Variants in ELP1 observed in about 807,000 individuals in gnomAD.
The protein encoded by ELP1 is elongator acetyltransferase complex subunit 1.
Under a neutral mutation model 183.2 loss-of-function variants are expected in ELP1, and 131 were observed. The observed-to-expected ratio is 0.72, with a 90% CI of 0.62 to 0.83. ELP1 has a LOEUF of 0.83. Among genes scored for constraint, ELP1 ranks in the 40% least tolerant of loss-of-function variants. ELP1 has a pLI of 0.00. For missense variants in ELP1, 1,550 were observed against 1,594.9 expected, an observed-to-expected ratio of 0.97 and a Z score of 0.48; for synonymous variants, 555 against 569.0, an observed-to-expected ratio of 0.98 and a Z score of 0.35.
Position 108,878,662 on chromosome 9 carries a change from C to G in ELP1, c.3661G>C (p.Ala1221Pro). Residue 1221 changes from alanine (A) to proline (P), a missense_variant, in exon 34 of 37, where the codon GCA becomes CCA. Transcript: ENST00000374647. ...GTGTTCTGCACCACTTCACTCAGTGCCTCCAGGAGGGCCAGGTCCTCCAGC... is the reference window on the plus strand; with the variant it reads ...GTGTTCTGCACCACTTCACTCAGTGGCTCCAGGAGGGCCAGGTCCTCCAGC... ...SPLEDLALLE[A>P]LSEVVQNTEN... The G allele has an allele frequency of 1.2e-6, 2 of 1,614,224 alleles. No individual in the cohort carries two copies. Among genetic ancestry groups the G allele is most frequent in the African/African-American group, 1.3e-5 (1 of 75,074 alleles).
chr9:108,933,237 G>C (rs1830057316), intron 1 of ELP1, among the ~76,000 whole-genome samples: 1 of 152,182 alleles, frequency 6.6e-6, no homozygotes, highest in African/African-American at 2.4e-5. Flanking sequence ...ATGTCCCCAA[G>C]CTGAAAAACT....
At chr9:108,870,560 CAG>C (rs1379918280) in intron 36 of ELP1, among the ~76,000 whole-genome samples, 1 of 152,016 alleles carries the variant, frequency 6.6e-6, no homozygotes, top group African/African-American at 2.4e-5. Flanking sequence ...CTTGCTGTCT[CAG>C]GGGTGGTAGA....
In ELP1 at chr9:108,899,861, C is replaced by G; in HGVS notation, c.2165G>C (p.Arg722Pro). ...PRGNLEVVHH[R>P]ALVLAQIRKW... ...CCGAATCTGAGCTAAAACCAGGGCTCGATGATGAACAACTTCTAAGTTTCC... is the reference window on the plus strand; with the variant it reads ...CCGAATCTGAGCTAAAACCAGGGCTGGATGATGAACAACTTCTAAGTTTCC... Residue 722 changes from arginine (R) to proline (P), a missense_variant, in exon 20 of 37, where the codon CGA becomes CCA. By Grantham distance (103) the Arg-to-Pro change is moderately radical (BLOSUM62 -2). Transcript: ENST00000374647. 6.2e-7 allele frequency: 1 copy of G among 1,613,968 alleles called. No individual in the cohort carries two copies.
rs1827868975 is a variant in ELP1, at chr9:108,880,117, C to A, written c.3395G>T (p.Ser1132Ile). The A allele has an allele frequency of 6.2e-7, 1 of 1,614,038 alleles. No homozygotes were observed. Among genetic ancestry groups the A allele is most frequent in the Admixed American group, 1.7e-5 (1 of 60,004 alleles). The change falls in exon 32 of 37, where the codon AGT becomes ATT. Residue 1132 changes from serine to isoleucine, a missense_variant. Transcript: ENST00000374647. ...AFLDSQTATF[S>I]RHKKRLLVVR... ...TACCAATAAACGTTTCTTGTGGCGA[C>A]TGAATGTGGCTGTCTGAGAGTCCAG...
At chr9:108,878,478 C>G in intron 34 of ELP1, 145 bp downstream of exon 34, 1 of 1,069,482 alleles carries the variant, frequency 9.4e-7, no homozygotes, top group Non-Finnish European at 1.4e-6. Flanking sequence ...GGAATGTGTG[C>G]AGACATGACC....
At chr9:108,911,828 G>A (rs963757554) in intron 11 of ELP1, among the ~76,000 whole-genome samples, 7 of 151,936 alleles carry the variant, frequency 4.6e-5, no homozygotes, top group African/African-American at 1.7e-4. Context: ...GTTTATGCAT[G>A]AACTGAACAT....
chr9:108,919,881 C>A (rs1399236877), intron 6 of ELP1, among the ~76,000 whole-genome samples: 1 of 152,124 alleles, frequency 6.6e-6, no homozygotes, highest in Admixed American at 6.5e-5. Context: ...TCCAGGGCCA[C>A]GTGTATCTCA....
rs1317760242 is a variant in ELP1, at chr9:108,882,169, G to C, written c.3241C>G (p.Leu1081Val). Residue 1081 changes from leucine (L) to valine (V), a missense_variant, in exon 30 of 37, where the codon CTC becomes GTC. Leu to Val is a conservative substitution (Grantham distance 32). Transcript: ENST00000374647. ...CAGGCAGCTCCTTCTAACAGCAAGA[G>C]CACAGCTTCTTCATAATCCTGACAA... ...ECAQDYEEAV[L>V]LLLEGAAWEE... 2 of 1,613,362 alleles carry C rather than the reference G, an allele frequency of 1.2e-6. No homozygotes were observed. The highest frequency in any genetic ancestry group is 4.5e-5 in the East Asian group (2 of 44,860).
chr9:108,872,729 C>T (rs1404921808), intron 36 of ELP1, among the ~76,000 whole-genome samples: 6 of 131,650 alleles, frequency 4.6e-5, no homozygotes, highest in South Asian at 5.4e-4. Context: ...GGCGTGAACC[C>T]GGGAGGCGGA....
intron 29 of ELP1, among the ~76,000 whole-genome samples, chr9:108,886,702 T>C (rs1431406173): frequency 6.6e-6 from 1 of 152,174 alleles, no homozygotes; most frequent in African/African-American, 2.4e-5. Context: ...TGTAAAAGAT[T>C]AGACAGTAAA....
rs1274989641 is a variant in ELP1 at position 108,912,340 on chromosome 9, A to G, written c.1113T>C (p.Tyr371=). The G allele has an allele frequency of 3.1e-6, 5 of 1,614,166 alleles. No individual in the cohort carries two copies. Among genetic ancestry groups the G allele is most frequent in the Middle Eastern group, 3.3e-4 (2 of 6,062 alleles). ...VLCQGWHYLA[Y]DWHWTTDRSV... Reference sequence around the variant, plus strand: ...TCCGGTCAGTCGTCCAGTGCCAATCATAGGCGAGGTAATGCCAGCCCTGAC... The same window carrying G: ...TCCGGTCAGTCGTCCAGTGCCAATCGTAGGCGAGGTAATGCCAGCCCTGAC... Residue 371 remains tyrosine (Y), a synonymous_variant, in exon 11 of 37, where the codon TAT becomes TAC. Coordinates refer to ENST00000374647, the MANE Select transcript of ELP1 (RefSeq NM_003640.5).
rs78916917 is a variant in ELP1, at chr9:108,920,327, G to T, written c.553-978C>A. On this transcript the variant is annotated intron_variant, in intron 6 of 36. Transcript: ENST00000374647. The stretch of plus-strand genomic sequence containing the variant: ...GACGGAGTCTTGCTTTATGGCCCAG[G>T]CTGGAGTGCAGTGGCACAATCTTGG... Among the ~76,000 whole-genome samples, 995 of 150,114 alleles carry T rather than the reference G, an allele frequency of 6.6e-3. 7 individuals carry two copies. Among genetic ancestry groups the T allele is most frequent in the Middle Eastern group, 0.028 (8 of 290 alleles).
chr9:108,871,899 G>T (rs1827472573), intron 36 of ELP1, among the ~76,000 whole-genome samples: 1 of 152,218 alleles, frequency 6.6e-6, no homozygotes, highest in Non-Finnish European at 1.5e-5. Context: ...CATAACTGCA[G>T]TGACAGCTTC....
rs748107512 is a variant in ELP1, at chr9:108,900,255, C to T, written c.2130+5G>A. On this transcript the variant is annotated splice_donor_5th_base_variant and intron_variant, in intron 19 of 36. Coordinates refer to ENST00000374647, the MANE Select transcript of ELP1 (RefSeq NM_003640.5). ...CTATCTATCTTGTCTGAAAAACCAG[C>T]TTACCTGTAATACAAGCTTTGTGTC... The T allele has an allele frequency of 1.2e-6, 2 of 1,601,820 alleles. No homozygotes were observed. The highest frequency in any genetic ancestry group is 8.6e-7 in the Non-Finnish European group (1 of 1,168,722).
chr9:108,918,943 A>T, intron 7 of ELP1, 42 bp from the exon 8 acceptor site: 1 of 1,438,384 alleles, frequency 7.0e-7, no homozygotes, highest in Non-Finnish European at 9.8e-7. Context: ...CACTTAAAAC[A>T]TTATGATAAA....
At chr9:108,901,811 T>C (rs1828820727) in intron 16 of ELP1, 130 bp from the exon 17 acceptor site, 1 of 885,052 alleles carries the variant, frequency 1.1e-6, no homozygotes, top group South Asian at 1.4e-5. Flanking sequence ...TAAAGATAGA[T>C]ACCTAAGACG....
intron 26 of ELP1, among the ~76,000 whole-genome samples, chr9:108,893,701 T>G (rs141502202): frequency 6.6e-6 from 1 of 152,210 alleles, no homozygotes; most frequent in Non-Finnish European, 1.5e-5. Flanking sequence ...CAGGTGCTCA[T>G]TCTTAACCAA....
At chr9:108,891,060 A>C in intron 28 of ELP1, 143 bp downstream of exon 28, 1 of 804,416 alleles carries the variant, frequency 1.2e-6, no homozygotes, top group Non-Finnish European at 2.1e-6. Flanking sequence ...TTATCCTTTA[A>C]AGCATTCTAA....
intron 10 of ELP1, among the ~76,000 whole-genome samples, chr9:108,913,921 G>A (rs1468795441): frequency 6.6e-6 from 1 of 152,172 alleles, no homozygotes; most frequent in African/African-American, 2.4e-5. Context: ...GTTCTCAACT[G>A]CGGCTGTTTA....
Sources: gnomAD v4.1 joint callset for allele counts (sites outside exome capture counted in the v4.1 genomes callset) on GRCh38, gnomAD v4.1.1 for gene constraint, MANE v1.5 for transcripts, NCBI Gene and HGNC (gene_info 2026-07-23, HGNC 2026-07-21) for gene names.